Variants in MMP11 observed in about 807,000 individuals in gnomAD.
MMP11 encodes the protein matrix metallopeptidase 11, also known as stromelysin-3.
A neutral mutation model predicts 49.5 loss-of-function variants in MMP11; 26 were observed. The ratio of observed to expected loss-of-function variants is 0.52; its 90% CI spans 0.38 to 0.73. The LOEUF (loss-of-function observed/expected upper bound fraction) is 0.73. Ranked by LOEUF, MMP11 falls within the 30% of genes least tolerant of loss-of-function variation. The pLI is 0.00. For synonymous variants in MMP11, 265 were observed against 282.3 expected (o/e 0.94, Z 0.62); for missense variants, 624 against 671.2 (o/e 0.93, Z 0.78).
intron 2 of MMP11, 88 bp downstream of exon 2, chr22:23,779,504 GC>G: frequency 8.5e-7 from 1 of 1,176,412 alleles, no homozygotes; most frequent in Non-Finnish European, 1.2e-6. Flanking sequence ...TGAGACACAG[GC>G]CAGGGTAGAT....
intron 2 of MMP11, 87 bp downstream of exon 2, chr22:23,779,503 G>A (rs1927539289): frequency 8.5e-7 from 1 of 1,175,402 alleles, no homozygotes; most frequent in South Asian, 1.5e-5. Context: ...TTGAGACACA[G>A]GCCAGGGTAG....
chr22:23,775,544 T>TA (rs1284578785), intron 1 of MMP11, among the ~76,000 whole-genome samples: 1 of 152,192 alleles, frequency 6.6e-6, no homozygotes, highest in Non-Finnish European at 1.5e-5. Flanking sequence ...TCATGGGCTC[T>TA]AAAAAAATAA....
chr22:23,782,687 T>C (rs1232859734), intron 7 of MMP11: 6 of 661,894 alleles, frequency 9.1e-6, no homozygotes, highest in Admixed American at 5.9e-5. Context: ...GTCAGAGAAG[T>C]GCAAGGTCTT....
At chr22:23,781,487 T>C in intron 6 of MMP11, 78 bp downstream of exon 6, 1 of 1,357,170 alleles carries the variant, frequency 7.4e-7, no homozygotes, top group Non-Finnish European at 1.0e-6. Context: ...AACAGACAGA[T>C]GGATCCTTAG....
At position 23,783,703 on chromosome 22, in the gene MMP11, C is replaced by T. The variant is rs548045019; in HGVS notation, c.*159C>T. 3.9e-5 allele frequency: 39 copies of T among 993,304 alleles called. No homozygotes were observed. The highest frequency in any genetic ancestry group is 6.1e-5 in the South Asian group (4 of 65,884). The allele number at this position is 993,304 out of a possible 1,614,324, so 61.5% of individuals were successfully genotyped here. On this transcript the variant is annotated 3_prime_UTR_variant, in exon 8 of 8. Transcript: ENST00000215743. Reference sequence around the variant, plus strand: ...GGGGTACAACCACCATGACAACTGCCGGGAGGGCCACGCAGGTCGTGGTCA... The same window carrying T: ...GGGGTACAACCACCATGACAACTGCTGGGAGGGCCACGCAGGTCGTGGTCA...
In MMP11 at chr22:23,772,955, C is replaced by A; in HGVS notation, c.85C>A (p.Leu29Met). ...MLLLLLQPPP[L>M]LARALPPDAH... is the part of the protein sequence containing the mutation. ...GCTGCTGCTGCTCCAGCCGCCGCCG[C>A]TGCTGGCCCGGGCTCTGCCGCCGGT... Residue 29 changes from leucine to methionine, a missense_variant, in exon 1 of 8, where the codon CTG becomes ATG. Physicochemically the swap from Leu to Met is conservative, Grantham distance 15. Coordinates refer to ENST00000215743, the MANE Select transcript of MMP11 (RefSeq NM_005940.5). 8.2e-7 allele frequency: 1 copy of A among 1,216,244 alleles called. No homozygotes were observed. Among genetic ancestry groups the A allele is most frequent in the South Asian group, 3.0e-5 (1 of 32,838 alleles). 75.3% of individuals were successfully genotyped at this position (1,216,244 alleles called of 1,614,324 possible).
rs150099420 is a variant in MMP11, at chr22:23,784,201, T to C, written c.*657T>C. ...CAGGCCGGATCCTCCTGAAGCCCTT[T>C]TCGCAGCACTGCTATCCTCCAAAGC... On this transcript the variant is annotated 3_prime_UTR_variant, in exon 8 of 8. Transcript: ENST00000215743. The C allele has an allele frequency of 1.3e-5, 2 of 154,836 alleles. No homozygotes were observed. The highest frequency in any genetic ancestry group is 4.8e-5 in the African/African-American group (2 of 41,558). 9.6% of individuals were successfully genotyped at this position (154,836 alleles called of 1,614,324 possible).
chr22:23,780,187 CAT>C lies in MMP11; in HGVS notation c.339-171_339-170del. Reference sequence around the variant, plus strand: ...CCTAAGTATGAGCAAACCACATACACATGTGCCCATGTGGCCAGGGAGACCAG... The same window carrying C: ...CCTAAGTATGAGCAAACCACATACACGTGCCCATGTGGCCAGGGAGACCAG... On this transcript the variant is annotated intron_variant, in intron 2 of 7. Coordinates refer to ENST00000215743, the MANE Select transcript of MMP11 (RefSeq NM_005940.5). This position sits in a 1 kb window ranked among gnomAD's most constrained non-coding sequence, Gnocchi z 4.6. 1 of 720,550 alleles carries C rather than the reference CAT, an allele frequency of 1.4e-6. No homozygotes were observed. Among genetic ancestry groups the C allele is most frequent in the African/African-American group, 1.8e-5 (1 of 56,302 alleles). The allele number at this position is 720,550 out of a possible 1,614,324, so 44.6% of individuals were successfully genotyped here.
chr22:23,782,691 A>C (rs1254708656), intron 7 of MMP11: 5 of 652,310 alleles, frequency 7.7e-6, no homozygotes, highest in African/African-American at 7.3e-5. Flanking sequence ...GAGAAGTGCA[A>C]GGTCTTACCC....
At position 23,780,998 on chromosome 22, in the gene MMP11, C is replaced by T. The variant is rs143615965; in HGVS notation, c.756C>T (p.Gly252=). The part of the protein sequence containing the change: ...PLSLSPDDCR[G]VQHLYGQPWP... The stretch of plus-strand genomic sequence containing the variant: ...GTCTCAGCCCAGATGACTGCAGGGG[C>T]GTTCAACACCTATATGGCCAGCCCT... Residue 252 remains glycine, a synonymous_variant, in exon 5 of 8, where the codon GGC becomes GGT. Transcript: ENST00000215743. This position sits in a 1 kb window ranked among gnomAD's most constrained non-coding sequence, Gnocchi z 4.6. 2.3e-4 allele frequency: 378 copies of T among 1,613,372 alleles called. No homozygotes were observed. In the African/African-American group the frequency reaches 4.2e-3, roughly 18 times the overall value.
At position 23,781,032 on chromosome 22, in the gene MMP11, G is replaced by C. The variant is rs1402630616; in HGVS notation, c.790G>C (p.Val264Leu). 1.2e-6 allele frequency: 2 copies of C among 1,612,058 alleles called. No individual in the cohort carries two copies. The highest frequency in any genetic ancestry group is 2.2e-5 in the South Asian group (2 of 91,082). Residue 264 changes from valine to leucine, a missense_variant, in exon 5 of 8, where the codon GTC (valine) becomes CTC (leucine). Val to Leu is a conservative substitution (Grantham distance 32). Transcript: ENST00000215743. ...CCTATATGGCCAGCCCTGGCCCACTGTCACCTCCAGGACCCCAGCCCTGGG... is the reference window on the plus strand; with the variant it reads ...CCTATATGGCCAGCCCTGGCCCACTCTCACCTCCAGGACCCCAGCCCTGGG... ...QHLYGQPWPTVTSRTPALGPQ... is the reference protein window; with the variant it reads ...QHLYGQPWPTLTSRTPALGPQ...
intron 6 of MMP11, chr22:23,781,629 C>A: frequency 1.6e-6 from 1 of 634,334 alleles, no homozygotes; most frequent in African/African-American, 1.8e-5. Flanking sequence ...GAAGGGATTG[C>A]ACGGTGGGGC....
At chr22:23,774,214 G>T (rs1475760171) in intron 1 of MMP11, among the ~76,000 whole-genome samples, 2 of 152,154 alleles carry the variant, frequency 1.3e-5, no homozygotes, top group East Asian at 1.9e-4. Context: ...GGTGGGAGGG[G>T]GCAATGGTGC....
Position 23,782,384 on chromosome 22 carries a change from C to T in MMP11, c.1234C>T (p.His412Tyr), listed in dbSNP as rs771768878. Residue 412 changes from histidine (H) to tyrosine (Y), a missense_variant, in exon 7 of 8, where the codon CAC becomes TAC. Transcript: ENST00000215743. Reference sequence around the variant, plus strand: ...CCGAGGCAGGGACTACTGGCGTTTCCACCCCAGCACCCGGCGTGTAGACAG... The same window carrying T: ...CCGAGGCAGGGACTACTGGCGTTTCTACCCCAGCACCCGGCGTGTAGACAG... ...FFRGRDYWRFHPSTRRVDSPV... is the reference protein window; with the variant it reads ...FFRGRDYWRFYPSTRRVDSPV... 6.2e-7 allele frequency: 1 copy of T among 1,613,988 alleles called. No individual in the cohort carries two copies. The highest frequency in any genetic ancestry group is 8.5e-7 in the Non-Finnish European group (1 of 1,180,020).
rs773542508 is a variant in MMP11, at chr22:23,781,252, C to T, written c.918C>T (p.Gly306=). The T allele has an allele frequency of 2.0e-5, 32 of 1,611,616 alleles. No individual in the cohort carries two copies. Among genetic ancestry groups the T allele is most frequent in the Non-Finnish European group, 2.7e-5 (32 of 1,180,036 alleles). The change falls in exon 6 of 8, where the codon GGC becomes GGT. Residue 306 remains glycine, a synonymous_variant. Transcript: ENST00000215743. ...TTGACGCGGTCTCCACCATCCGAGG[C>T]GAGCTCTTTTTCTTCAAAGCGGGCT... ...ASFDAVSTIR[G]ELFFFKAGFV...
In MMP11 at chr22:23,783,869, G is replaced by A. The variant is rs1008479223; in HGVS notation, c.*325G>A. The stretch of plus-strand genomic sequence containing the variant: ...TGTCCCTCAGGGTAGCACCATGGCA[G>A]GACTGGGGGAACTGGAGTGTCCTTG... On this transcript the variant is annotated 3_prime_UTR_variant, in exon 8 of 8. Transcript: ENST00000215743. 3.0e-5 allele frequency: 11 copies of A among 369,038 alleles called. No homozygotes were observed. 22.9% of individuals were successfully genotyped at this position (369,038 alleles called of 1,614,324 possible).
In MMP11 at chr22:23,779,322, G is replaced by A. The variant is rs140332610; in HGVS notation, c.244G>A (p.Val82Met). Residue 82 changes from valine (V) to methionine (M), a missense_variant, in exon 2 of 8, where the codon GTG (valine) becomes ATG (methionine). Val to Met is a conservative substitution (Grantham distance 21). Coordinates refer to ENST00000215743, the MANE Select transcript of MMP11 (RefSeq NM_005940.5). ...CAGCCTCAGGCCTCCCCGCTGTGGC[G>A]TGCCCGACCCATCTGATGGGCTGAG... ...ASSLRPPRCG[V>M]PDPSDGLSAR... The A allele has an allele frequency of 9.9e-6, 16 of 1,612,606 alleles. No individual in the cohort carries two copies. The East Asian group carries it at 1.3e-4, about 13-fold the overall frequency.
Position 23,780,235 on chromosome 22 carries a change from G to A in MMP11, c.339-124G>A. The A allele has an allele frequency of 8.2e-7, 1 of 1,223,406 alleles. No individual in the cohort carries two copies. Among genetic ancestry groups the A allele is most frequent in the South Asian group, 1.4e-5 (1 of 72,390 alleles). The allele number at this position is 1,223,406 out of a possible 1,614,324, so 75.8% of individuals were successfully genotyped here. ...ACCAGTGCGCTGAAGCTGAGGCCCA[G>A]AGTACACCTGGCCTGTGTCCTGAGT... On this transcript the variant is annotated intron_variant, in intron 2 of 7. Coordinates refer to ENST00000215743, the MANE Select transcript of MMP11 (RefSeq NM_005940.5). This position sits in a 1 kb window ranked among gnomAD's most constrained non-coding sequence, Gnocchi z 4.6.
rs774667699 is a variant in MMP11, at chr22:23,783,667, G to A, written c.*123G>A. The A allele has an allele frequency of 4.1e-5, 56 of 1,365,000 alleles. No individual in the cohort carries two copies. The highest frequency in any genetic ancestry group is 6.1e-6 in the Non-Finnish European group (6 of 979,442). 84.6% of individuals were successfully genotyped at this position (1,365,000 alleles called of 1,614,324 possible). The stretch of plus-strand genomic sequence containing the variant: ...TGGGACTGAGCCCATGTCTCCTCAG[G>A]GGGATGGGGTGGGGTACAACCACCA... On this transcript the variant is annotated 3_prime_UTR_variant, in exon 8 of 8. Coordinates refer to ENST00000215743, the MANE Select transcript of MMP11 (RefSeq NM_005940.5).
Sources: gnomAD v4.1 joint callset for allele counts (sites outside exome capture counted in the v4.1 genomes callset) on GRCh38, gnomAD v4.1.1 for gene constraint, Gnocchi (gnomAD v3.1) non-coding constraint, MANE v1.5 for transcripts, NCBI Gene and HGNC (gene_info 2026-07-23, HGNC 2026-07-21) for gene names.